PTPRN2: variants seen among roughly 807,000 people sequenced by gnomAD.
PTPRN2 encodes protein tyrosine phosphatase receptor type N2, also known as receptor-type tyrosine-protein phosphatase N2.
Under a neutral mutation model 118.8 loss-of-function variants are expected in PTPRN2, and 74 were observed. That is an observed-to-expected ratio of 0.62 (90% CI 0.52 to 0.76). The LOEUF (loss-of-function observed/expected upper bound fraction) is 0.76. Among genes scored for constraint, PTPRN2 ranks in the 30% least tolerant of loss-of-function variants. The pLI, the probability that PTPRN2 is intolerant of heterozygous loss-of-function variation, is 0.00. For synonymous variants in PTPRN2, 641 were observed against 608.0 expected, an observed-to-expected ratio of 1.05 and a Z score of -0.80; for missense variants, 1,481 against 1,394.4, an observed-to-expected ratio of 1.06 and a Z score of -0.99.
chr7:157,805,293 G>C (rs990967561), intron 12 of PTPRN2, among the ~76,000 whole-genome samples: 179 of 124,814 alleles, frequency 1.4e-3, no homozygotes, highest in African/African-American at 5.0e-3. Flanking sequence ...ATACTCCTGT[G>C]TGTGTGTGTG....
chr7:158,057,850 A>T (rs1809915336), intron 11 of PTPRN2, among the ~76,000 whole-genome samples: 1 of 152,130 alleles, frequency 6.6e-6, no homozygotes, highest in South Asian at 2.1e-4. Flanking sequence ...CACACAGCAA[A>T]AGCTTCCCAA....
chr7:157,906,636 A>G (rs79653072), intron 11 of PTPRN2, among the ~76,000 whole-genome samples: 1 of 1,966 alleles, frequency 5.1e-4, no homozygotes, highest in African/African-American at 5.3e-4. Context: ...TAAAACTCCT[A>G]AAAAAAAAAA....
intron 14 of PTPRN2, among the ~76,000 whole-genome samples, chr7:157,648,850 C>T (rs199498143): frequency 0.014 from 1,617 of 114,230 alleles, 35 homozygotes; most frequent in Admixed American, 0.02. Flanking sequence ...ACCCATCCAG[C>T]GTGCACTGAA....
intron 2 of PTPRN2, among the ~76,000 whole-genome samples, chr7:158,489,061 G>A (rs974946745): frequency 6.6e-6 from 1 of 152,264 alleles, no homozygotes; most frequent in Non-Finnish European, 1.5e-5. Flanking sequence ...AATAACTGCC[G>A]TCCTCATGGG....
At chr7:158,357,031 T>C (rs1808443108) in intron 2 of PTPRN2, among the ~76,000 whole-genome samples, 1 of 152,196 alleles carries the variant, frequency 6.6e-6, no homozygotes, top group Non-Finnish European at 1.5e-5. Flanking sequence ...AGTTAGTTTT[T>C]CTGCAAGTAA....
At chr7:157,646,767 A>G (rs1487424466) in intron 14 of PTPRN2, among the ~76,000 whole-genome samples, 1 of 152,198 alleles carries the variant, frequency 6.6e-6, no homozygotes, top group Non-Finnish European at 1.5e-5. Flanking sequence ...CAAGCAAGTT[A>G]GGGTGTGAGG....
At chr7:157,855,028 G>T (rs546096755) in intron 12 of PTPRN2, among the ~76,000 whole-genome samples, 3 of 151,076 alleles carry the variant, frequency 2.0e-5, no homozygotes, top group East Asian at 2.0e-4. Flanking sequence ...GGATCAGGGA[G>T]GCTGGCTTTG....
intron 9 of PTPRN2, among the ~76,000 whole-genome samples, chr7:158,114,643 A>G (rs1816576027): frequency 6.6e-6 from 1 of 152,182 alleles, no homozygotes; most frequent in Admixed American, 6.5e-5. Flanking sequence ...TGGCAGGAAC[A>G]ACGGTAAAGA....
At chr7:158,371,877 G>A (rs921609) in intron 2 of PTPRN2, among the ~76,000 whole-genome samples, 120,589 of 152,036 alleles carry the variant, frequency 0.79, 48,419 homozygotes, top group East Asian at 0.99. Flanking sequence ...TTGAGAAAAG[G>A]AATATAAACC....
intron 3 of PTPRN2, among the ~76,000 whole-genome samples, chr7:158,215,156 C>T (rs571755803): frequency 6.6e-6 from 1 of 152,100 alleles, no homozygotes; most frequent in South Asian, 2.1e-4. Context: ...TAGGATGTCT[C>T]AGAAAATAGA....
chr7:158,156,769 G>A (rs1166055063), intron 6 of PTPRN2, among the ~76,000 whole-genome samples: 2 of 152,272 alleles, frequency 1.3e-5, no homozygotes, highest in African/African-American at 2.4e-5. Context: ...CAGAGCGGAA[G>A]CATCACCATG....
chr7:158,221,212 C>A (rs780208969), intron 3 of PTPRN2, among the ~76,000 whole-genome samples: 2 of 151,966 alleles, frequency 1.3e-5, no homozygotes, highest in Non-Finnish European at 2.9e-5. Context: ...ATACAAAAAT[C>A]AATTTAAGAT....
At chr7:157,842,888 G>C (rs1387540358) in intron 12 of PTPRN2, among the ~76,000 whole-genome samples, 1 of 152,160 alleles carries the variant, frequency 6.6e-6, no homozygotes, top group Non-Finnish European at 1.5e-5. Flanking sequence ...ATATTAACAA[G>C]TCGGAGTAAA....
At chr7:158,446,123 C>T (rs961756364) in intron 2 of PTPRN2, among the ~76,000 whole-genome samples, 3 of 151,962 alleles carry the variant, frequency 2.0e-5, no homozygotes, top group Non-Finnish European at 4.4e-5. Flanking sequence ...CCCACCAACA[C>T]ACAGTTGCCC....
At chr7:158,458,263 G>GA (rs1160616780) in intron 2 of PTPRN2, among the ~76,000 whole-genome samples, 1 of 152,148 alleles carries the variant, frequency 6.6e-6, no homozygotes. Flanking sequence ...ACAATGCTCA[G>GA]ACCAGTGCAC....
At chr7:157,588,921 T>C (rs1419030528) in intron 17 of PTPRN2, among the ~76,000 whole-genome samples, 3 of 152,084 alleles carry the variant, frequency 2.0e-5, no homozygotes, top group Non-Finnish European at 4.4e-5. Flanking sequence ...CTGGGTAGAA[T>C]TGGGCTCACT....
chr7:158,281,070 G>A (rs552246624), intron 3 of PTPRN2, among the ~76,000 whole-genome samples: 13 of 152,218 alleles, frequency 8.5e-5, no homozygotes, highest in African/African-American at 2.2e-4. Flanking sequence ...TTGGGAGGCC[G>A]AGTCGGGCAG....
intron 11 of PTPRN2, among the ~76,000 whole-genome samples, chr7:157,976,275 A>G (rs564196254): frequency 6.6e-6 from 1 of 152,234 alleles, no homozygotes; most frequent in African/African-American, 2.4e-5. Context: ...GGCGCTGATG[A>G]GTTGCTCAGC....
At chr7:157,992,701 TG>T (rs72053351) in intron 11 of PTPRN2, among the ~76,000 whole-genome samples, 17,512 of 152,160 alleles carry the variant, frequency 0.12, 1,273 homozygotes, top group South Asian at 0.22. Flanking sequence ...GAGGCAGATG[TG>T]GGGGGTCACA....
Sources: gnomAD v4.1 joint callset for allele counts (sites outside exome capture counted in the v4.1 genomes callset) on GRCh38, gnomAD v4.1.1 for gene constraint, MANE v1.5 for transcripts, NCBI Gene and HGNC (gene_info 2026-07-23, HGNC 2026-07-21) for gene names.